ADK: variants seen among roughly 807,000 people sequenced by gnomAD.
ADK encodes the protein adenosine kinase.
ADK carries 24 observed loss-of-function variants against 44.7 expected under a neutral mutation model. The ratio of observed to expected loss-of-function variants is 0.54; its 90% CI spans 0.39 to 0.76. ADK has a LOEUF of 0.76. Among genes scored for constraint, ADK ranks in the 30% least tolerant of loss-of-function variants. ADK has a pLI of 0.00. For synonymous variants in ADK, 128 were observed against 142.6 expected, an observed-to-expected ratio of 0.90 and a Z score of 0.73; for missense variants, 321 against 425.1, an observed-to-expected ratio of 0.76 and a Z score of 2.15.
chr10:74,608,149 CTT>C, intron 9 of ADK, among the ~76,000 whole-genome samples: 1 of 151,658 alleles, frequency 6.6e-6, no homozygotes, highest in Non-Finnish European at 1.5e-5. Flanking sequence ...TTTCAAGGTT[CTT>C]AGCTTCCTTG....
intron 4 of ADK, among the ~76,000 whole-genome samples, chr10:74,368,502 T>C (rs1359659995): frequency 2.6e-5 from 4 of 152,210 alleles, no homozygotes; most frequent in Non-Finnish European, 5.9e-5. Flanking sequence ...GTGTGTCATT[T>C]ACCTCTTCAT....
At chr10:74,356,756 C>G (rs141218351) in intron 4 of ADK, among the ~76,000 whole-genome samples, 2 of 152,176 alleles carry the variant, frequency 1.3e-5, no homozygotes, top group Admixed American at 1.3e-4. Flanking sequence ...ATCCCATTTA[C>G]AGATGGGAAC....
At chr10:74,188,745 T>G (rs113506327) in intron 1 of ADK, among the ~76,000 whole-genome samples, 8,685 of 152,048 alleles carry the variant, frequency 0.057, 869 homozygotes, top group African/African-American at 0.2. Flanking sequence ...CTTTCTTGTT[T>G]TCTAATGTGC....
chr10:74,239,199 G>A (rs1845096807), intron 3 of ADK, among the ~76,000 whole-genome samples: 1 of 151,602 alleles, frequency 6.6e-6, no homozygotes, highest in Non-Finnish European at 1.5e-5. Flanking sequence ...TTAAGGCTTG[G>A]TAGTTCTGAG....
chr10:74,570,629 T>C (rs374276505), intron 7 of ADK, among the ~76,000 whole-genome samples: 3 of 152,190 alleles, frequency 2.0e-5, no homozygotes, highest in East Asian at 1.9e-4. Flanking sequence ...GATTTTTGCA[T>C]ATTGATTTTG....
At chr10:74,584,160 T>C (rs938075044) in intron 7 of ADK, among the ~76,000 whole-genome samples, 3 of 152,204 alleles carry the variant, frequency 2.0e-5, no homozygotes, top group Admixed American at 6.5e-5. Context: ...GAAGACTGCC[T>C]CCTACACATA....
Position 74,458,119 on chromosome 10 carries a change from C to CTT in ADK, c.555+59566_555+59567dup, listed in dbSNP as rs1172945144. Among the ~76,000 whole-genome samples the CTT allele has an allele frequency of 1.6e-3, 118 of 74,472 alleles. 3 individuals carry two copies. The highest frequency in any genetic ancestry group is 5.1e-3 in the African/African-American group (86 of 16,738). The allele number at this position is 74,472 out of a possible 152,430, so 48.9% of individuals were successfully genotyped here. A position where few individuals can be genotyped will look rare whatever the true frequency, so the allele number is the denominator to read the frequency against. ...TAATCTTTTTTAATGTGCATTAAAACTTTTTTTTTTTTTTTTTTTTTTTTT... is the reference window on the plus strand; with the variant it reads ...TAATCTTTTTTAATGTGCATTAAAACTTTTTTTTTTTTTTTTTTTTTTTTTTT... On this transcript the variant is annotated intron_variant, in intron 6 of 10. Transcript: ENST00000539909.
chr10:74,635,948 C>G (rs910843752), intron 9 of ADK, among the ~76,000 whole-genome samples: 1 of 151,116 alleles, frequency 6.6e-6, no homozygotes, highest in Non-Finnish European at 1.5e-5. Context: ...ATTAGCTGGG[C>G]GCAGTGGCAC....
At chr10:74,680,809 A>G (rs1855578247) in intron 10 of ADK, among the ~76,000 whole-genome samples, 1 of 152,246 alleles carries the variant, frequency 6.6e-6, no homozygotes, top group Admixed American at 6.5e-5. Flanking sequence ...CTCTTCAGAT[A>G]TATAAGTTCT....
chr10:74,553,421 G>A (rs1466619541), intron 7 of ADK, among the ~76,000 whole-genome samples: 1 of 151,730 alleles, frequency 6.6e-6, no homozygotes, highest in African/African-American at 2.4e-5. Flanking sequence ...GGATGGTCTC[G>A]ATCTCTTGAC....
chr10:74,212,995 G>T (rs1843876165), intron 2 of ADK, among the ~76,000 whole-genome samples: 1 of 152,182 alleles, frequency 6.6e-6, no homozygotes, highest in Admixed American at 6.5e-5. Flanking sequence ...TGGAAGAGGG[G>T]CTTGAAAGAT....
intron 3 of ADK, among the ~76,000 whole-genome samples, chr10:74,274,730 G>GTATA (rs1200421234): frequency 1.2e-4 from 5 of 40,518 alleles, no homozygotes; most frequent in African/African-American, 4.2e-4. Flanking sequence ...ATTTTAATGT[G>GTATA]TGTATATATA....
intron 9 of ADK, among the ~76,000 whole-genome samples, chr10:74,641,111 G>A (rs1215983611): frequency 6.6e-6 from 1 of 152,142 alleles, no homozygotes; most frequent in Non-Finnish European, 1.5e-5. Flanking sequence ...AAAGTTAGGG[G>A]CCTAGTAGAA....
chr10:74,380,757 C>CAA (rs201019361), intron 4 of ADK, among the ~76,000 whole-genome samples: 2 of 148,746 alleles, frequency 1.3e-5, no homozygotes, highest in Admixed American at 6.7e-5. Flanking sequence ...GACCCTGTCT[C>CAA]AAAAAAAAAC....
rs564716606 is a variant in ADK, at chr10:74,540,357, A to G, written c.726+14931A>G. ...CTTTATTTGTTTCAGTTACTGTACT[A>G]TAAATTTGTAAGTGATTATTTTGGT... On this transcript the variant is annotated intron_variant, in intron 7 of 10. Transcript: ENST00000539909. Among the ~76,000 whole-genome samples the G allele has an allele frequency of 2.1e-3, 327 of 152,160 alleles. 1 individual carries two copies. Among genetic ancestry groups the G allele is most frequent in the African/African-American group, 7.3e-3 (302 of 41,548 alleles).
At position 74,502,346 on chromosome 10, in the gene ADK, G is replaced by T. The variant is rs1022211591; in HGVS notation, c.556-22910G>T. Reference sequence around the variant, plus strand: ...ATAGCTTCCTTTGTGCCACATATAAGAAATGTAGACATAGAGAGTGTTTAT... The same window carrying T: ...ATAGCTTCCTTTGTGCCACATATAATAAATGTAGACATAGAGAGTGTTTAT... On this transcript the variant is annotated intron_variant, in intron 6 of 10. Transcript: ENST00000539909. Among the ~76,000 whole-genome samples the T allele has an allele frequency of 2.2e-4, 33 of 151,972 alleles. 1 individual carries two copies. The South Asian group carries it at 4.4e-3, about 20-fold the overall frequency.
chr10:74,197,841 C>G (rs997754213), intron 1 of ADK, among the ~76,000 whole-genome samples: 7 of 151,894 alleles, frequency 4.6e-5, no homozygotes, highest in Non-Finnish European at 8.8e-5. Context: ...ATAATAAACT[C>G]TTTTGGGAAT....
chr10:74,200,472 G>T (rs1405537621), intron 1 of ADK, among the ~76,000 whole-genome samples: 1 of 138,890 alleles, frequency 7.2e-6, no homozygotes, highest in African/African-American at 2.7e-5. Flanking sequence ...CGACAAGAGC[G>T]AAACTCCGTG....
intron 10 of ADK, among the ~76,000 whole-genome samples, chr10:74,673,722 G>A (rs185777238): frequency 3.9e-4 from 60 of 152,324 alleles, no homozygotes; most frequent in African/African-American, 1.4e-3. Context: ...TGGCACCCGA[G>A]TTCTTGTCCG....
Sources: gnomAD v4.1 joint callset for allele counts (sites outside exome capture counted in the v4.1 genomes callset) on GRCh38, gnomAD v4.1.1 for gene constraint, MANE v1.5 for transcripts, NCBI Gene and HGNC (gene_info 2026-07-23, HGNC 2026-07-21) for gene names.